The following PAH variants were observed in gnomAD, a reference collection of about 807,000 sequenced individuals.
PAH encodes the protein phenylalanine-4-hydroxylase.
In PAH, 64 loss-of-function variants were observed where a neutral mutation model predicts 62.0. The ratio of observed to expected loss-of-function variants is 1.03; its 90% CI spans 0.84 to 1.27. The LOEUF (loss-of-function observed/expected upper bound fraction) is 1.27. Ranked by LOEUF, PAH falls within the 50% of genes most tolerant of loss-of-function variation. The pLI, the probability that PAH is intolerant of heterozygous loss-of-function variation, is 0.00. For synonymous variants in PAH, 195 were observed against 196.2 expected, an observed-to-expected ratio of 0.99 and a Z score of 0.05; for missense variants, 579 against 542.8, an observed-to-expected ratio of 1.07 and a Z score of -0.66.
chr12:102,946,380 T>C (rs1049264495), intron 1 of PAH, among the ~76,000 whole-genome samples: 4 of 152,224 alleles, frequency 2.6e-5, no homozygotes, highest in African/African-American at 9.7e-5. Context: ...TGAGTTTCTT[T>C]AGTACCCAAG....
chr12:102,842,506 T>G (rs1874635492), intron 11 of PAH, among the ~76,000 whole-genome samples: 1 of 152,202 alleles, frequency 6.6e-6, no homozygotes. Flanking sequence ...CAAAGGGTTC[T>G]CAAACAAATG....
intron 4 of PAH, among the ~76,000 whole-genome samples, chr12:102,872,454 C>A (rs965855950): frequency 6.6e-6 from 1 of 152,122 alleles, no homozygotes; most frequent in African/African-American, 2.4e-5. Context: ...TTGGATAGAG[C>A]AATTTAGTAA....
intron 1 of PAH, among the ~76,000 whole-genome samples, chr12:102,916,276 C>A (rs537587628): frequency 6.6e-6 from 1 of 152,300 alleles, no homozygotes; most frequent in South Asian, 2.1e-4. Flanking sequence ...TCTCCCTAAT[C>A]CTACTGATGA....
chr12:102,920,973 C>A (rs35305416), upstream of PAH, among the ~76,000 whole-genome samples: 4,822 of 152,268 alleles, frequency 0.032, 267 homozygotes, highest in African/African-American at 0.11. Flanking sequence ...CCAAACAATA[C>A]TGTGATAAAT....
intron 12 of PAH, 39 bp downstream of exon 12, chr12:102,840,361 T>G (rs755838121): frequency 6.7e-6 from 8 of 1,201,822 alleles, no homozygotes; most frequent in Admixed American, 5.0e-5. Flanking sequence ...CTTCGATTAC[T>G]GAGAAACCGA....
chr12:102,918,894 A>G (rs1038125494), upstream of PAH, among the ~76,000 whole-genome samples: 2 of 152,192 alleles, frequency 1.3e-5, no homozygotes, highest in African/African-American at 4.8e-5. Flanking sequence ...ATTTTCTTAC[A>G]AACATAATTT....
chr12:102,895,811 C>T (rs1276812683), intron 2 of PAH, among the ~76,000 whole-genome samples: 16 of 147,436 alleles, frequency 1.1e-4, no homozygotes, highest in Non-Finnish European at 2.2e-4. Context: ...GCCAAGATCG[C>T]GCCACTGCAC....
intron 2 of PAH, chr12:102,904,770 AT>A: frequency 2.0e-6 from 1 of 511,308 alleles, no homozygotes; most frequent in African/African-American, 1.9e-5. Flanking sequence ...TTGCTTCTCC[AT>A]TTCATTCACA....
rs532324175 is a variant in PAH, at chr12:102,865,106, T to G, written c.509+1490A>C. On this transcript the variant is annotated intron_variant, in intron 5 of 12. Transcript: ENST00000553106. ...ATTTTCAGTAACCAAGTTAACTGAT[T>G]AACATCCAGGATTGTGAGGTGATTC... is the stretch of plus-strand genomic sequence containing the variant. Among the ~76,000 whole-genome samples the G allele has an allele frequency of 2.2e-4, 33 of 152,300 alleles. 1 individual carries two copies. The South Asian group carries it at 6.2e-3, about 29-fold the overall frequency.
upstream of PAH, among the ~76,000 whole-genome samples, chr12:102,951,021 G>A (rs181700762): frequency 1.8e-3 from 279 of 151,736 alleles, no homozygotes; most frequent in African/African-American, 6.1e-3. Flanking sequence ...AGGGATTTGG[G>A]GACATGAATT....
intron 2 of PAH, among the ~76,000 whole-genome samples, chr12:102,908,204 C>T (rs936346787): frequency 2.0e-5 from 3 of 148,732 alleles, no homozygotes; most frequent in Admixed American, 1.4e-4. Flanking sequence ...CCCCTCCCTA[C>T]CACCCCCTGC....
At chr12:102,924,608 T>C (rs1340326322) in intron 1 of PAH, among the ~76,000 whole-genome samples, 1 of 152,180 alleles carries the variant, frequency 6.6e-6, no homozygotes. Flanking sequence ...AGACATTCCA[T>C]AATAATAAAG....
chr12:102,934,501 G>T (rs1261566698), intron 1 of PAH, among the ~76,000 whole-genome samples: 2 of 151,778 alleles, frequency 1.3e-5, no homozygotes, highest in African/African-American at 4.8e-5. Flanking sequence ...GAATCTGTAT[G>T]TTGCTTTGGG....
intron 5 of PAH, 98 bp downstream of exon 5, chr12:102,866,498 A>C: frequency 1.1e-6 from 1 of 916,946 alleles, no homozygotes. Flanking sequence ...AGGACTCTTC[A>C]TGCTGGTATT....
chr12:102,953,422 A>T (rs906894961), upstream of PAH: 1 of 152,260 alleles, frequency 6.6e-6, no homozygotes, highest in Non-Finnish European at 1.5e-5. Context: ...TTCTTTTTAC[A>T]GAGAGACAAC....
chr12:102,954,940 G>A (rs771512412), upstream of PAH, among the ~76,000 whole-genome samples: 24 of 152,180 alleles, frequency 1.6e-4, no homozygotes, highest in African/African-American at 4.3e-4. Flanking sequence ...GGAGGAGAAC[G>A]CCTCGGTTCT....
At chr12:102,851,890 A>G in intron 7 of PAH, 134 bp from the exon 8 acceptor site, 1 of 708,894 alleles carries the variant, frequency 1.4e-6, no homozygotes, top group South Asian at 1.6e-5. Flanking sequence ...TCCCAGGAAT[A>G]AGTGATATGC....
intron 3 of PAH, among the ~76,000 whole-genome samples, chr12:102,889,075 G>T (rs1348388391): frequency 2.6e-5 from 4 of 152,136 alleles, no homozygotes; most frequent in Admixed American, 2.6e-4. Flanking sequence ...TTCCCTTCCA[G>T]CCCTAAGCGG....
chr12:102,891,651 T>C (rs1387036780), intron 3 of PAH, among the ~76,000 whole-genome samples: 1 of 152,140 alleles, frequency 6.6e-6, no homozygotes, highest in African/African-American at 2.4e-5. Context: ...TTTGATACAG[T>C]GGGAGACTGC....
Sources: gnomAD v4.1 joint callset for allele counts (sites outside exome capture counted in the v4.1 genomes callset) on GRCh38, gnomAD v4.1.1 for gene constraint, MANE v1.5 for transcripts, NCBI Gene and HGNC (gene_info 2026-07-23, HGNC 2026-07-21) for gene names.